RNF144B: variants seen among roughly 807,000 people sequenced by gnomAD.
The protein encoded by RNF144B is ring finger protein 144B, also known as E3 ubiquitin-protein ligase RNF144B.
A neutral mutation model predicts 40.2 loss-of-function variants in RNF144B; 25 were observed. That is an observed-to-expected ratio of 0.62 (90% CI 0.45 to 0.87). RNF144B has a LOEUF of 0.87. Among genes scored for constraint, RNF144B ranks in the 40% least tolerant of loss-of-function variants. The probability of loss-of-function intolerance (pLI) is 0.00; values close to 1 mark genes in which losing one functional copy is unlikely to be tolerated. For missense variants in RNF144B, 365 were observed against 373.7 expected (o/e 0.98, Z 0.19); for synonymous variants, 145 against 136.3 (o/e 1.06, Z -0.44).
chr6:18,461,980 C>T (rs565204601), intron 6 of RNF144B, among the ~76,000 whole-genome samples: 2 of 152,290 alleles, frequency 1.3e-5, no homozygotes, highest in East Asian at 3.9e-4. Context: ...AATCCTATTC[C>T]TGTCCATAGC....
In RNF144B at chr6:18,416,315, A is replaced by G. The variant is rs1442210431; in HGVS notation, c.166-11266A>G. Among the ~76,000 whole-genome samples, 2 of 152,082 alleles carry G rather than the reference A, an allele frequency of 1.3e-5. No homozygotes were observed. Among genetic ancestry groups the G allele is most frequent in the East Asian group, 1.9e-4 (1 of 5,174 alleles). ...ATTGAATTACTCAAATTGGAAGCAG[A>G]TTTTTCCAACGCTAGTGCCAGTTCA... On this transcript the variant is annotated intron_variant, in intron 2 of 7. Coordinates refer to ENST00000259939, the MANE Select transcript of RNF144B (RefSeq NM_182757.4). The surrounding 1 kb of genome is among the most constrained non-coding windows in gnomAD (Gnocchi z 5.5).
intron 4 of RNF144B, among the ~76,000 whole-genome samples, chr6:18,440,809 TA>T (rs369811296): frequency 2.2e-4 from 32 of 142,352 alleles, no homozygotes; most frequent in South Asian, 4.6e-4. Context: ...TTTTTTTTTT[TA>T]AAAATCCAGC....
Position 18,416,611 on chromosome 6 carries a change from T to C in RNF144B, c.166-10970T>C, listed in dbSNP as rs1795153382. ...CTCAAACTTACAAGGTGGATCTTAG[T>C]AATCTTTTCCAGAAAATGTAACGGC... On this transcript the variant is annotated intron_variant, in intron 2 of 7. Coordinates refer to ENST00000259939, the MANE Select transcript of RNF144B (RefSeq NM_182757.4). This position sits in a 1 kb window ranked among gnomAD's most constrained non-coding sequence, Gnocchi z 5.5. Among the ~76,000 whole-genome samples, 1 of 152,200 alleles carries C rather than the reference T, an allele frequency of 6.6e-6. No individual in the cohort carries two copies. The highest frequency in any genetic ancestry group is 2.1e-4 in the South Asian group (1 of 4,832).
At chr6:18,435,753 T>C (rs1281315067) in intron 3 of RNF144B, among the ~76,000 whole-genome samples, 1 of 151,854 alleles carries the variant, frequency 6.6e-6, no homozygotes, top group Non-Finnish European at 1.5e-5. Flanking sequence ...ACCATCATTC[T>C]CAGCAAACTA....
intron 1 of RNF144B, 124 bp from the exon 2 acceptor site, chr6:18,399,375 T>A (rs940136845): frequency 1.5e-6 from 1 of 673,772 alleles, no homozygotes; most frequent in African/African-American, 1.8e-5. Context: ...TTCCCAGAAA[T>A]GCATTAGCTG....
intron 3 of RNF144B, 132 bp from the exon 4 acceptor site, chr6:18,439,552 G>T: frequency 1.5e-6 from 1 of 651,208 alleles, no homozygotes; most frequent in South Asian, 1.9e-5. Flanking sequence ...GAACAGTGTG[G>T]AGAAAAAGAG....
Position 18,468,176 on chromosome 6 carries a change from T to A in RNF144B, c.*3109T>A, listed in dbSNP as rs73727444. Reference sequence around the variant, plus strand: ...TCCATTTGCAATAGAAATAAAAAAATCCGTCACCAAATTGTAACCTGGATG... The same window carrying A: ...TCCATTTGCAATAGAAATAAAAAAAACCGTCACCAAATTGTAACCTGGATG... On this transcript the variant is annotated 3_prime_UTR_variant, in exon 8 of 8. Coordinates refer to ENST00000259939, the MANE Select transcript of RNF144B (RefSeq NM_182757.4). 2 of 152,120 alleles carry A rather than the reference T, an allele frequency of 1.3e-5. No homozygotes were observed. Among genetic ancestry groups the A allele is most frequent in the Admixed American group, 6.6e-5 (1 of 15,264 alleles). 9.4% of individuals were successfully genotyped at this position (152,120 alleles called of 1,614,324 possible).
chr6:18,390,033 A>T (rs999758315), intron 1 of RNF144B, among the ~76,000 whole-genome samples: 1 of 152,210 alleles, frequency 6.6e-6, no homozygotes, highest in Non-Finnish European at 1.5e-5. Context: ...GCTAGGTTAG[A>T]TGCTGGGATA....
chr6:18,453,073 C>A (rs531698306), intron 4 of RNF144B, among the ~76,000 whole-genome samples: 4 of 151,242 alleles, frequency 2.6e-5, no homozygotes, highest in Non-Finnish European at 4.4e-5. Context: ...AGGAGTGAGC[C>A]ACTGTGCCTG....
intron 3 of RNF144B, among the ~76,000 whole-genome samples, chr6:18,431,319 T>A (rs1758692349): frequency 1.3e-5 from 2 of 152,242 alleles, no homozygotes; most frequent in South Asian, 2.1e-4. Context: ...GTAGTGGTAA[T>A]TGATAATCAT....
chr6:18,432,981 G>A (rs374584714), intron 3 of RNF144B, among the ~76,000 whole-genome samples: 43 of 152,318 alleles, frequency 2.8e-4, no homozygotes, highest in African/African-American at 1.0e-3. Flanking sequence ...GTATGGTGGA[G>A]GAGGGATCGA....
In RNF144B at chr6:18,457,110, AC is replaced by A. The variant is rs767938048; in HGVS notation, c.332-44del. ...GCAAATGAAGGTGAGAAAGACTCAA[AC>A]ATGAATCGGGCAGACCATCACATTT... is the stretch of plus-strand genomic sequence containing the variant. On this transcript the variant is annotated intron_variant, in intron 4 of 7. Transcript: ENST00000259939. This position sits in a 1 kb window ranked among gnomAD's most constrained non-coding sequence, Gnocchi z 5.1. 5 of 1,403,624 alleles carry A rather than the reference AC, an allele frequency of 3.6e-6. No homozygotes were observed. Among genetic ancestry groups the A allele is most frequent in the Non-Finnish European group, 1.0e-6 (1 of 989,636 alleles). 86.9% of individuals were successfully genotyped at this position (1,403,624 alleles called of 1,614,324 possible).
chr6:18,463,276 C>T lies in RNF144B; in HGVS notation c.682-15C>T. On this transcript the variant is annotated splice_polypyrimidine_tract_variant and intron_variant, in intron 6 of 7. Transcript: ENST00000259939. ...AAACTGCATATTTACTGAAATCAATCTTTTTATTTTTCAGAATGACATTTT... is the reference window on the plus strand; with the variant it reads ...AAACTGCATATTTACTGAAATCAATTTTTTTATTTTTCAGAATGACATTTT... 1 of 1,512,526 alleles carries T rather than the reference C, an allele frequency of 6.6e-7. No homozygotes were observed. Among genetic ancestry groups the T allele is most frequent in the South Asian group, 1.1e-5 (1 of 89,096 alleles). The allele number at this position is 1,512,526 out of a possible 1,614,324, so 93.7% of individuals were successfully genotyped here. A position where few individuals can be genotyped will look rare whatever the true frequency, so the allele number is the denominator to read the frequency against.
intron 1 of RNF144B, among the ~76,000 whole-genome samples, 173 bp downstream of exon 1, chr6:18,387,803 T>G (rs991617753): frequency 6.6e-6 from 1 of 152,224 alleles, no homozygotes; most frequent in Non-Finnish European, 1.5e-5. Flanking sequence ...AAACACCTGT[T>G]AACTTAGAAG....
intron 2 of RNF144B, among the ~76,000 whole-genome samples, chr6:18,417,232 C>G (rs1795161498): frequency 1.3e-5 from 2 of 152,008 alleles, no homozygotes; most frequent in African/African-American, 4.8e-5. Context: ...AGGCTTATCC[C>G]AAAATTCCTA....
At position 18,439,726 on chromosome 6, in the gene RNF144B, A is replaced by C; in HGVS notation, c.313A>C (p.Arg105=). The stretch of plus-strand genomic sequence containing the variant: ...TGTGGACCAGTTTCAACTTTATCAG[A>C]GGTTAAAATTTGAAAGAGGTATGAA... ...VPVDQFQLYQ[R]LKFEREVHLD... The change falls in exon 4 of 8, where the codon AGG becomes CGG. Residue 105 remains arginine, a synonymous_variant. Coordinates refer to ENST00000259939, the MANE Select transcript of RNF144B (RefSeq NM_182757.4). 1 of 1,611,334 alleles carries C rather than the reference A, an allele frequency of 6.2e-7. No individual in the cohort carries two copies. The highest frequency in any genetic ancestry group is 8.5e-7 in the Non-Finnish European group (1 of 1,177,570).
intron 4 of RNF144B, among the ~76,000 whole-genome samples, chr6:18,440,108 T>A (rs575722209): frequency 6.6e-6 from 1 of 152,292 alleles, no homozygotes; most frequent in Non-Finnish European, 1.5e-5. Flanking sequence ...TTCGAAACAT[T>A]ACCAGCCCAA....
chr6:18,407,031 A>C (rs1794925352), intron 2 of RNF144B, among the ~76,000 whole-genome samples: 1 of 152,092 alleles, frequency 6.6e-6, no homozygotes, highest in Admixed American at 6.5e-5. Flanking sequence ...CATGGGGGAT[A>C]CTGCCCCTAT....
chr6:18,426,103 A>G (rs1004524930), intron 2 of RNF144B, among the ~76,000 whole-genome samples: 1 of 152,226 alleles, frequency 6.6e-6, no homozygotes, highest in Admixed American at 6.5e-5. Flanking sequence ...GATAGATTTC[A>G]CAATTACATC....
Sources: allele counts gnomAD v4.1 joint callset (sites outside exome capture counted in the v4.1 genomes callset), GRCh38; gene constraint gnomAD v4.1.1; non-coding constraint Gnocchi (gnomAD v3.1); transcripts MANE v1.5; gene names NCBI Gene and HGNC (gene_info 2026-07-23, HGNC 2026-07-21).